The following DHX16 variants were observed in gnomAD, a reference collection of about 807,000 sequenced individuals.
DHX16 encodes DEAH-box helicase 16.
In DHX16, 81 loss-of-function variants were observed where a neutral mutation model predicts 131.2. The ratio of observed to expected loss-of-function variants is 0.62; its 90% confidence interval spans 0.52 to 0.74. DHX16 has a LOEUF of 0.74. Among genes scored for constraint, DHX16 ranks in the 30% least tolerant of loss-of-function variants. The pLI is 0.00. For synonymous variants in DHX16, 440 were observed against 520.2 expected (o/e 0.85, Z 2.10); for missense variants, 980 against 1,363.1 (o/e 0.72, Z 4.43).
At position 30,670,403 on chromosome 6, in the gene DHX16, G is replaced by A. The variant is rs562245786; in HGVS notation, c.666+7C>T. 1 of 1,607,882 alleles carries A rather than the reference G, an allele frequency of 6.2e-7. No homozygotes were observed. The highest frequency in any genetic ancestry group is 1.1e-5 in the South Asian group (1 of 90,174). ...CTGATCTTGGCTCCCTAGGCCCTGG[G>A]ACTCACCATGGCCTTCCGGTCTTCC... is the stretch of plus-strand genomic sequence containing the variant. On this transcript the variant is annotated splice_region_variant and intron_variant, in intron 4 of 19. Coordinates refer to ENST00000376442, the MANE Select transcript of DHX16 (RefSeq NM_003587.5). The surrounding 1 kb of genome is among the most constrained non-coding windows in gnomAD (Gnocchi z 4.4).
In DHX16 at chr6:30,670,665, G is replaced by T; in HGVS notation, c.609+125C>A. On this transcript the variant is annotated intron_variant, in intron 3 of 19. Transcript: ENST00000376442. This position sits in a 1 kb window ranked among gnomAD's most constrained non-coding sequence, Gnocchi z 4.4. ...GATGCACAGGGCTTCTCTCACCACA[G>T]AGGTGAACATCTCACTAGAGACAGC... 7.2e-7 allele frequency: 1 copy of T among 1,381,150 alleles called. No individual in the cohort carries two copies. Among genetic ancestry groups the T allele is most frequent in the Non-Finnish European group, 1.0e-6 (1 of 999,088 alleles). The allele number at this position is 1,381,150 out of a possible 1,614,324, so 85.6% of individuals were successfully genotyped here.
chr6:30,664,761 G>A, intron 7 of DHX16, 40 bp downstream of exon 7: 9 of 1,567,304 alleles, frequency 5.7e-6, no homozygotes, highest in Non-Finnish European at 7.9e-6. Context: ...GGACATTGAT[G>A]CCAGGTGCCC....
intron 4 of DHX16, among the ~76,000 whole-genome samples, chr6:30,669,029 C>T (rs568726386): frequency 4.0e-5 from 6 of 151,750 alleles, no homozygotes; most frequent in African/African-American, 1.5e-4. Context: ...CGCTTGAACT[C>T]GGGAGGTGGA....
intron 4 of DHX16, among the ~76,000 whole-genome samples, chr6:30,666,253 AAGTT>A: frequency 6.6e-6 from 1 of 152,210 alleles, no homozygotes; most frequent in Non-Finnish European, 1.5e-5. Flanking sequence ...TGATTATAAA[AAGTT>A]AGGACTACAG....
rs764713466 is a variant in DHX16, at chr6:30,659,843, C to CAGAA, written c.1756-13_1756-10dup. 8.4e-4 allele frequency: 1,350 copies of CAGAA among 1,613,536 alleles called. 7 individuals carry two copies. The highest frequency in any genetic ancestry group is 5.4e-3 in the Middle Eastern group (33 of 6,056). On this transcript the variant is annotated splice_polypyrimidine_tract_variant and intron_variant, in intron 10 of 19. Transcript: ENST00000376442. ...TAGTCAGCCTCTGGAGCCTGGAGAG[C>CAGAA]AGAAAGAGATGGGGTCACAGGAGGG... is the stretch of plus-strand genomic sequence containing the variant.
rs1259330695 is a variant in DHX16 at position 30,670,747 on chromosome 6, C to G, written c.609+43G>C. The G allele has an allele frequency of 6.2e-7, 1 of 1,609,856 alleles. No homozygotes were observed. The highest frequency in any genetic ancestry group is 8.5e-7 in the Non-Finnish European group (1 of 1,178,794). The stretch of plus-strand genomic sequence containing the variant: ...ACTCACAGCCAACCTCAGATTTCAC[C>G]CTGGGATCTTGGGGATTTACAGAAC... On this transcript the variant is annotated intron_variant, in intron 3 of 19. Coordinates refer to ENST00000376442, the MANE Select transcript of DHX16 (RefSeq NM_003587.5). The surrounding 1 kb of genome is among the most constrained non-coding windows in gnomAD (Gnocchi z 4.4).
In DHX16 at chr6:30,656,002, C is replaced by T. The variant is rs1177480742; in HGVS notation, c.2498+196G>A. The stretch of plus-strand genomic sequence containing the variant: ...CAAGTAAGTTCCTCAAGGGGCCGGG[C>T]GCAGTGGAATCAAGGATAGGATCAA... On this transcript the variant is annotated intron_variant, in intron 16 of 19. Coordinates refer to ENST00000376442, the MANE Select transcript of DHX16 (RefSeq NM_003587.5). This position sits in a 1 kb window ranked among gnomAD's most constrained non-coding sequence, Gnocchi z 5.1. Among the ~76,000 whole-genome samples the T allele has an allele frequency of 2.0e-5, 3 of 152,064 alleles. No homozygotes were observed. The highest frequency in any genetic ancestry group is 4.4e-5 in the Non-Finnish European group (3 of 68,022).
At chr6:30,657,289 G>A (rs1768075706) in intron 12 of DHX16, among the ~76,000 whole-genome samples, 197 bp from the exon 13 acceptor site, 1 of 151,948 alleles carries the variant, frequency 6.6e-6, no homozygotes, top group African/African-American at 2.4e-5. Context: ...GAGTCAGCAG[G>A]GCCATAGGAG....
chr6:30,660,321 G>C lies in DHX16; in HGVS notation c.1545-79C>G, dbSNP rs1382204288. 4 of 1,175,268 alleles carry C rather than the reference G, an allele frequency of 3.4e-6. No homozygotes were observed. The South Asian group carries it at 7.1e-5, about 21-fold the overall frequency. The allele number at this position is 1,175,268 out of a possible 1,614,324, so 72.8% of individuals were successfully genotyped here. ...AGACACCAGAGTTAACTGGATGAGA[G>C]GGGAGTAATGGACACAAAGAGTTCA... On this transcript the variant is annotated intron_variant, in intron 9 of 19. Coordinates refer to ENST00000376442, the MANE Select transcript of DHX16 (RefSeq NM_003587.5).
At chr6:30,655,025 T>C in intron 18 of DHX16, 146 bp from the exon 19 acceptor site, 1 of 1,397,438 alleles carries the variant, frequency 7.2e-7, no homozygotes, top group African/African-American at 1.4e-5. Context: ...CCTTCAGTGG[T>C]CTGGGGAAGA....
chr6:30,654,528 C>T (rs1387074027), intron 19 of DHX16, among the ~76,000 whole-genome samples, 178 bp downstream of exon 19: 2 of 152,056 alleles, frequency 1.3e-5, no homozygotes, highest in Non-Finnish European at 2.9e-5. Flanking sequence ...CCAGCCTGGA[C>T]AACAGAGTGA....
At chr6:30,660,590 G>A (rs1304673045) in intron 9 of DHX16, 2 of 235,990 alleles carry the variant, frequency 8.5e-6, no homozygotes, top group Non-Finnish European at 1.6e-5. Context: ...TGAAGGATAT[G>A]TTTTAGGCTG....
chr6:30,656,386 C>A lies in DHX16; in HGVS notation c.2430+5G>T. ...TGCCTCCACCCATGCTGTCCCCCGA[C>A]TCACCGTGGTGAGCTCCCCAAGGTG... On this transcript the variant is annotated splice_donor_5th_base_variant and intron_variant, in intron 15 of 19. Coordinates refer to ENST00000376442, the MANE Select transcript of DHX16 (RefSeq NM_003587.5). This position sits in a 1 kb window ranked among gnomAD's most constrained non-coding sequence, Gnocchi z 5.1. 4 of 1,613,632 alleles carry A rather than the reference C, an allele frequency of 2.5e-6. No homozygotes were observed. Among genetic ancestry groups the A allele is most frequent in the Non-Finnish European group, 3.4e-6 (4 of 1,179,598 alleles).
rs1393318478 is a variant in DHX16 at position 30,664,923 on chromosome 6, GGCTGC to G, written c.1190_1194del (p.Arg397ProfsTer23). 1 of 1,613,860 alleles carries G rather than the reference GGCTGC, an allele frequency of 6.2e-7. No individual in the cohort carries two copies. The highest frequency in any genetic ancestry group is 1.1e-5 in the South Asian group (1 of 91,088). On this transcript the variant is annotated frameshift_variant, in exon 7 of 20. Coordinates refer to ENST00000376442, the MANE Select transcript of DHX16 (RefSeq NM_003587.5). LOFTEE classifies it high-confidence loss of function. The stretch of plus-strand genomic sequence containing the variant: ...TCCTCTCGAAATGGGAACACCGGGA[GGCTGC>G]GGCGGACGGCCTGGATGGACTCTTT...
Position 30,672,979 on chromosome 6 carries a change from A to C in DHX16, c.-138T>G, listed in dbSNP as rs1769734414. 1.3e-6 allele frequency: 2 copies of C among 1,551,512 alleles called. No individual in the cohort carries two copies. Among genetic ancestry groups the C allele is most frequent in the African/African-American group, 1.4e-5 (1 of 73,056 alleles). On this transcript the variant is annotated 5_prime_UTR_variant, in exon 1 of 20. Coordinates refer to ENST00000376442, the MANE Select transcript of DHX16 (RefSeq NM_003587.5). Reference sequence around the variant, plus strand: ...ACCTTGGGACCTCTAGGATCTTCCGACATCCCAAAGCTGTCTTCCCGTACC... The same window carrying C: ...ACCTTGGGACCTCTAGGATCTTCCGCCATCCCAAAGCTGTCTTCCCGTACC...
At position 30,670,082 on chromosome 6, in the gene DHX16, A is replaced by G. The variant is rs955009186; in HGVS notation, c.666+328T>C. Reference sequence around the variant, plus strand: ...GCCCTCCAGCAACCTTCTTGACAACATTCCAGCTGCCTCATATCTCATTAG... The same window carrying G: ...GCCCTCCAGCAACCTTCTTGACAACGTTCCAGCTGCCTCATATCTCATTAG... On this transcript the variant is annotated intron_variant, in intron 4 of 19. Transcript: ENST00000376442. This position sits in a 1 kb window ranked among gnomAD's most constrained non-coding sequence, Gnocchi z 4.4. Among the ~76,000 whole-genome samples the G allele has an allele frequency of 2.0e-5, 3 of 152,212 alleles. No individual in the cohort carries two copies. The highest frequency in any genetic ancestry group is 4.4e-5 in the Non-Finnish European group (3 of 68,030).
At chr6:30,655,999 G>A (rs536579637) in intron 16 of DHX16, among the ~76,000 whole-genome samples, 199 bp downstream of exon 16, 36 of 152,314 alleles carry the variant, frequency 2.4e-4, no homozygotes, top group African/African-American at 7.2e-4. Flanking sequence ...TCAAGGGGCC[G>A]GGCGCAGTGG....
intron 7 of DHX16, 64 bp from the exon 8 acceptor site, chr6:30,663,085 C>T (rs1467922435): frequency 7.7e-6 from 10 of 1,290,616 alleles, no homozygotes; most frequent in Non-Finnish European, 1.1e-5. Flanking sequence ...GGACCAGGTA[C>T]ATTTCAGAGA....
At position 30,665,050 on chromosome 6, in the gene DHX16, G is replaced by C. The variant is rs375612285; in HGVS notation, c.1125+21C>G. On this transcript the variant is annotated intron_variant, in intron 6 of 19. Transcript: ENST00000376442. This position sits in a 1 kb window ranked among gnomAD's most constrained non-coding sequence, Gnocchi z 4.8. ...GCTCGCTACGGGTCTTCCTCAGAAA[G>C]TCTCCCAGCTCCCCTCTTACCTCAT... 17 of 1,613,818 alleles carry C rather than the reference G, an allele frequency of 1.1e-5. No individual in the cohort carries two copies. Among genetic ancestry groups the C allele is most frequent in the African/African-American group, 1.3e-5 (1 of 74,910 alleles).
Sources: gnomAD v4.1 joint callset for allele counts (sites outside exome capture counted in the v4.1 genomes callset) on GRCh38, gnomAD v4.1.1 for gene constraint, Gnocchi (gnomAD v3.1) non-coding constraint, MANE v1.5 for transcripts, NCBI Gene and HGNC (gene_info 2026-07-23, HGNC 2026-07-21) for gene names.